Variants in SERPINB6 observed in about 807,000 individuals in gnomAD.
SERPINB6 encodes serpin family B member 6.
A neutral mutation model predicts 26.1 loss-of-function variants in SERPINB6; 16 were observed. That is an observed-to-expected ratio of 0.61 (90% CI 0.42 to 0.93). SERPINB6 has a LOEUF of 0.93. Ranked by LOEUF, SERPINB6 falls within the 40% of genes least tolerant of loss-of-function variation. SERPINB6 has a pLI of 0.00. For synonymous variants in SERPINB6, 174 were observed against 176.6 expected, an observed-to-expected ratio of 0.99 and a Z score of 0.11; for missense variants, 420 against 478.0, an observed-to-expected ratio of 0.88 and a Z score of 1.13.
intron 1 of SERPINB6, chr6:2,968,348 G>A: frequency 3.2e-6 from 1 of 310,110 alleles, no homozygotes; most frequent in Non-Finnish European, 4.7e-6. Flanking sequence ...ATAACTATTG[G>A]GTACTAGGCT....
chr6:2,971,627 G>C (rs1772189705), upstream of SERPINB6: 1 of 152,262 alleles, frequency 6.6e-6, no homozygotes, highest in Non-Finnish European at 1.5e-5. Flanking sequence ...GGAGTCCCGG[G>C]TCTCGAGCTA....
intron 1 of SERPINB6, among the ~76,000 whole-genome samples, chr6:2,963,083 A>G (rs1347795788): frequency 2.6e-5 from 4 of 152,204 alleles, no homozygotes; most frequent in African/African-American, 9.7e-5. Flanking sequence ...TTGATGGTCT[A>G]CCCAAAAAGC....
In SERPINB6 at chr6:2,955,461, G is replaced by C. The variant is rs1019153229; in HGVS notation, c.312+63C>G. ...TTTAGAGCCACACGCTTCCTGCTGGGCCCCAGCCCCCACTACCTGGCCACC... is the reference window on the plus strand; with the variant it reads ...TTTAGAGCCACACGCTTCCTGCTGGCCCCCAGCCCCCACTACCTGGCCACC... On this transcript the variant is annotated intron_variant, in intron 3 of 6. Coordinates refer to ENST00000380539, the MANE Select transcript of SERPINB6 (RefSeq NM_004568.6). 14 of 1,603,354 alleles carry C rather than the reference G, an allele frequency of 8.7e-6. No homozygotes were observed. The Admixed American group carries it at 2.2e-4, about 25-fold the overall frequency.
chr6:2,968,585 C>T, intron 1 of SERPINB6: 1 of 1,209,436 alleles, frequency 8.3e-7, no homozygotes, highest in Non-Finnish European at 1.0e-6. Flanking sequence ...TTGGATACCA[C>T]AATTATAGTT....
chr6:2,951,400 A>AT (rs1769788965), intron 5 of SERPINB6, among the ~76,000 whole-genome samples: 1 of 150,572 alleles, frequency 6.6e-6, no homozygotes, highest in Non-Finnish European at 1.5e-5. Flanking sequence ...AAAAATAAAA[A>AT]ATAAAAAAAA....
At chr6:2,970,453 G>A in intron 1 of SERPINB6, 1 of 1,090,188 alleles carries the variant, frequency 9.2e-7, no homozygotes, top group Non-Finnish European at 1.1e-6. Context: ...GTTAATCCCA[G>A]CACACATAAA....
intron 1 of SERPINB6, among the ~76,000 whole-genome samples, chr6:2,965,340 C>T (rs915803082): frequency 1.3e-5 from 2 of 152,238 alleles, no homozygotes; most frequent in Non-Finnish European, 2.9e-5. Flanking sequence ...GCGACTTTCA[C>T]GCCGAAGAGA....
chr6:2,969,306 T>G, intron 1 of SERPINB6: 1 of 985,492 alleles, frequency 1.0e-6, no homozygotes, highest in Non-Finnish European at 1.2e-6. Flanking sequence ...AAGGACCTAC[T>G]TCTTTAGCTT....
At position 2,953,142 on chromosome 6, in the gene SERPINB6, T is replaced by A. The variant is rs1288742760; in HGVS notation, c.475A>T (p.Thr159Ser). 6.2e-7 allele frequency: 1 copy of A among 1,614,120 alleles called. No homozygotes were observed. Among genetic ancestry groups the A allele is most frequent in the East Asian group, 2.2e-5 (1 of 44,894 alleles). Residue 159 changes from threonine to serine, a missense_variant, in exon 5 of 7, where the codon ACA becomes TCA. Transcript: ENST00000380539. Reference sequence around the variant, plus strand: ...ACAGCATTCACCAGAACCAGCCTTGTCAATGGATCCACTGAGCCCGGAGAG... The same window carrying A: ...ACAGCATTCACCAGAACCAGCCTTGACAATGGATCCACTGAGCCCGGAGAG... The part of the protein sequence containing the change: ...LLSPGSVDPL[T>S]RLVLVNAVYF...
At chr6:2,958,515 C>G (rs1411658530) in intron 2 of SERPINB6, among the ~76,000 whole-genome samples, 1 of 152,166 alleles carries the variant, frequency 6.6e-6, no homozygotes, top group African/African-American at 2.4e-5. Context: ...CAGAACCCAG[C>G]CGCCAGGCCT....
intron 4 of SERPINB6, 93 bp from the exon 5 acceptor site, chr6:2,953,279 A>C: frequency 2.6e-6 from 4 of 1,534,088 alleles, no homozygotes; most frequent in Non-Finnish European, 3.6e-6. Context: ...TTCAGCAGTC[A>C]AGTGCACGGA....
intron 4 of SERPINB6, among the ~76,000 whole-genome samples, chr6:2,953,801 C>T (rs1245145060): frequency 6.6e-6 from 1 of 152,068 alleles, no homozygotes; most frequent in Non-Finnish European, 1.5e-5. Context: ...GAGGCCAAGG[C>T]GGGTGGATCA....
At chr6:2,955,847 C>A in intron 2 of SERPINB6, 177 bp from the exon 3 acceptor site, 1 of 614,840 alleles carries the variant, frequency 1.6e-6, no homozygotes, top group Non-Finnish European at 2.8e-6. Context: ...GAGGCCAAGG[C>A]GGGAGGATCA....
intron 1 of SERPINB6, chr6:2,968,866 G>C (rs559288201): frequency 2.4e-6 from 3 of 1,230,822 alleles, no homozygotes; most frequent in Non-Finnish European, 2.0e-6. Flanking sequence ...TTTTTTGTCC[G>C]GGAACCAGCA....
chr6:2,970,582 A>T (rs1772047480), intron 1 of SERPINB6: 1 of 1,214,286 alleles, frequency 8.2e-7, no homozygotes, highest in African/African-American at 1.6e-5. Flanking sequence ...CAGGGCTGTC[A>T]TTAGGCACGA....
chr6:2,954,440 T>C (rs1426309018), intron 4 of SERPINB6, 152 bp downstream of exon 4: 1 of 692,984 alleles, frequency 1.4e-6, no homozygotes, highest in African/African-American at 1.8e-5. Context: ...TGTCAAATAA[T>C]GGCAACTGAT....
At chr6:2,960,714 C>T (rs1298453182) in intron 1 of SERPINB6, 1 of 152,256 alleles carries the variant, frequency 6.6e-6, no homozygotes, top group Non-Finnish European at 1.5e-5. Flanking sequence ...CATGCCTTTA[C>T]ATTTGGAGCT....
intron 2 of SERPINB6, 138 bp downstream of exon 2, chr6:2,959,030 G>T: frequency 8.6e-7 from 1 of 1,157,814 alleles, no homozygotes; most frequent in Non-Finnish European, 1.2e-6. Flanking sequence ...TGGGTGGCAT[G>T]CCCTTCCCTG....
At chr6:2,970,756 A>T in intron 1 of SERPINB6, 1 of 1,230,936 alleles carries the variant, frequency 8.1e-7, no homozygotes, top group Non-Finnish European at 1.0e-6. Context: ...GAAGAAAATA[A>T]CTTAAATGCC....
Sources: allele counts gnomAD v4.1 joint callset (sites outside exome capture counted in the v4.1 genomes callset), GRCh38; gene constraint gnomAD v4.1.1; transcripts MANE v1.5; gene names NCBI Gene and HGNC (gene_info 2026-07-23, HGNC 2026-07-21).